GRIK2: variants seen among roughly 807,000 people sequenced by gnomAD.
The protein encoded by GRIK2 is glutamate receptor ionotropic, kainate 2.
A neutral mutation model predicts 100.3 loss-of-function variants in GRIK2; 32 were observed. The observed-to-expected ratio is 0.32, with a 90% CI of 0.24 to 0.43. The LOEUF is 0.43. Among genes scored for constraint, GRIK2 ranks in the 20% least tolerant of loss-of-function variants. The probability of loss-of-function intolerance (pLI) is 1.00; values close to 1 mark genes in which losing one functional copy is unlikely to be tolerated. For synonymous variants in GRIK2, 417 were observed against 389.4 expected (o/e 1.07, Z -0.83); for missense variants, 843 against 1,114.9 (o/e 0.76, Z 3.47).
rs55900001 is a variant in GRIK2 at position 102,031,076 on chromosome 6, T to TACACACACACACAC, written c.2086-4226_2086-4213dup. ...TCAATAATTACCAAGTATTATGCAT[T>TACACACACACACAC]ACACACACACACACACACACACACA... is the stretch of plus-strand genomic sequence containing the variant. On this transcript the variant is annotated intron_variant, in intron 14 of 16. Coordinates refer to ENST00000369134, the MANE Select transcript of GRIK2 (RefSeq NM_021956.5). Among the ~76,000 whole-genome samples the TACACACACACACAC allele has an allele frequency of 7.1e-4, 84 of 118,408 alleles. 1 individual carries two copies. The highest frequency in any genetic ancestry group is 1.2e-3 in the Non-Finnish European group (65 of 55,694). The allele number at this position is 118,408 out of a possible 152,430, so 77.7% of individuals were successfully genotyped here. A position where few individuals can be genotyped will look rare whatever the true frequency, so the allele number is the denominator to read the frequency against.
At chr6:101,590,130 C>T (rs534893114) in intron 2 of GRIK2, among the ~76,000 whole-genome samples, 41 of 151,892 alleles carry the variant, frequency 2.7e-4, no homozygotes, top group Non-Finnish European at 4.9e-4. Context: ...CTTGTTTTTC[C>T]TCAATTTGTT....
At chr6:101,671,925 A>T (rs2128338219) in intron 4 of GRIK2, among the ~76,000 whole-genome samples, 2 of 152,254 alleles carry the variant, frequency 1.3e-5, no homozygotes, top group South Asian at 4.2e-4. Flanking sequence ...GACCCTTCTG[A>T]AGGGTACAGG....
intron 2 of GRIK2, among the ~76,000 whole-genome samples, chr6:101,494,030 ATAATTTATTATATAAAATATATATG>A (rs1050315834): frequency 1.2e-5 from 1 of 83,862 alleles, no homozygotes; most frequent in African/African-American, 7.1e-5. Context: ...AATTATATAT[ATAATTTATTATATAAAATATATATG>A]ATATTTTTAT....
chr6:101,909,539 A>T (rs1327681562), intron 12 of GRIK2, among the ~76,000 whole-genome samples: 6 of 150,986 alleles, frequency 4.0e-5, no homozygotes, highest in African/African-American at 1.5e-4. Context: ...CAAAGAAATG[A>T]GTAGTCACAG....
intron 7 of GRIK2, among the ~76,000 whole-genome samples, chr6:101,771,507 GTTTTA>G (rs888697359): frequency 6.6e-5 from 10 of 150,564 alleles, no homozygotes; most frequent in South Asian, 2.1e-4. Flanking sequence ...TTTTTATTTT[GTTTTA>G]TTTTATTTTT....
intron 14 of GRIK2, among the ~76,000 whole-genome samples, chr6:102,015,339 T>G (rs1795777942): frequency 6.6e-6 from 1 of 152,184 alleles, no homozygotes; most frequent in Admixed American, 6.5e-5. Flanking sequence ...TGATTGCATG[T>G]GAAATGGGTT....
chr6:101,568,196 T>G (rs1014617079), intron 2 of GRIK2, among the ~76,000 whole-genome samples: 1 of 152,006 alleles, frequency 6.6e-6, no homozygotes, highest in South Asian at 2.1e-4. Flanking sequence ...CATCATTTTT[T>G]CATTTGATTT....
intron 2 of GRIK2, among the ~76,000 whole-genome samples, chr6:101,486,926 A>G (rs1222796636): frequency 2.0e-5 from 3 of 146,958 alleles, no homozygotes; most frequent in Non-Finnish European, 4.5e-5. Flanking sequence ...GTTATAGCAT[A>G]CTAGGCTTTG....
At chr6:101,803,328 T>C (rs1352531960) in intron 9 of GRIK2, among the ~76,000 whole-genome samples, 1 of 151,832 alleles carries the variant, frequency 6.6e-6, no homozygotes, top group Admixed American at 6.6e-5. Context: ...ATTTGAATGC[T>C]GATTCAAACC....
chr6:101,577,158 G>T (rs1777827043), intron 2 of GRIK2, among the ~76,000 whole-genome samples: 1 of 140,466 alleles, frequency 7.1e-6, no homozygotes. Flanking sequence ...GTTGCATATG[G>T]ATACAAAAAA....
chr6:101,799,889 T>A (rs76366603), intron 8 of GRIK2, 98 bp downstream of exon 8: 2 of 919,032 alleles, frequency 2.2e-6, no homozygotes, highest in Admixed American at 2.6e-5. Context: ...TTTTACTTTA[T>A]GTTTAATTTA....
At position 101,788,190 on chromosome 6, in the gene GRIK2, G is replaced by T. The variant is rs190595447; in HGVS notation, c.952-11458G>T. On this transcript the variant is annotated intron_variant, in intron 7 of 16. Coordinates refer to ENST00000369134, the MANE Select transcript of GRIK2 (RefSeq NM_021956.5). ...ACTTTCTGTCTATATGTGTCTTTAC[G>T]AGTGAGATGAATTTCTTTCTTTTTT... Among the ~76,000 whole-genome samples, 17 of 151,588 alleles carry T rather than the reference G, an allele frequency of 1.1e-4. 1 individual carries two copies. The highest frequency in any genetic ancestry group is 2.6e-4 in the Admixed American group (4 of 15,192).
intron 7 of GRIK2, among the ~76,000 whole-genome samples, chr6:101,780,267 C>A (rs996142492): frequency 6.6e-6 from 1 of 152,120 alleles, no homozygotes; most frequent in African/African-American, 2.4e-5. Context: ...GATCTTCTCC[C>A]ACTAGTTTCC....
At chr6:101,671,271 A>T (rs1371298168) in intron 4 of GRIK2, among the ~76,000 whole-genome samples, 2 of 152,146 alleles carry the variant, frequency 1.3e-5, no homozygotes, top group Non-Finnish European at 2.9e-5. Context: ...ATATTCCTTG[A>T]TACCATATTA....
At chr6:101,427,545 C>A (rs1030186237) in intron 2 of GRIK2, among the ~76,000 whole-genome samples, 1 of 152,184 alleles carries the variant, frequency 6.6e-6, no homozygotes, top group Non-Finnish European at 1.5e-5. Flanking sequence ...TCAATATTTG[C>A]TGAATGAACA....
chr6:101,465,661 A>G lies in GRIK2; in HGVS notation c.115+66269A>G, dbSNP rs540768154. ...TCTCCATTCTTGTTGAGCTGCCTAGATGATCTGAAGTTAAAAGGCCCAGGT... is the reference window on the plus strand; with the variant it reads ...TCTCCATTCTTGTTGAGCTGCCTAGGTGATCTGAAGTTAAAAGGCCCAGGT... On this transcript the variant is annotated intron_variant, in intron 2 of 16. Coordinates refer to ENST00000369134, the MANE Select transcript of GRIK2 (RefSeq NM_021956.5). Among the ~76,000 whole-genome samples the G allele has an allele frequency of 5.3e-5, 8 of 152,284 alleles. No homozygotes were observed. In the South Asian group the frequency reaches 1.5e-3, roughly 28 times the overall value.
intron 11 of GRIK2, among the ~76,000 whole-genome samples, chr6:101,875,402 A>G (rs1400709797): frequency 6.6e-6 from 1 of 151,936 alleles, no homozygotes; most frequent in Non-Finnish European, 1.5e-5. Context: ...ATAATAATCT[A>G]CACATACTAT....
chr6:101,949,289 G>A (rs1467287765), intron 14 of GRIK2, among the ~76,000 whole-genome samples: 1 of 151,572 alleles, frequency 6.6e-6, no homozygotes, highest in African/African-American at 2.4e-5. Context: ...GCCTAGATTT[G>A]ATTATAATAG....
At chr6:101,732,020 C>T (rs1775307317) in intron 7 of GRIK2, among the ~76,000 whole-genome samples, 1 of 151,952 alleles carries the variant, frequency 6.6e-6, no homozygotes, top group South Asian at 2.1e-4. Context: ...AACAGCGTAT[C>T]TTGAACATTA....
Sources: allele counts gnomAD v4.1 joint callset (sites outside exome capture counted in the v4.1 genomes callset), GRCh38; gene constraint gnomAD v4.1.1; transcripts MANE v1.5; gene names NCBI Gene and HGNC (gene_info 2026-07-23, HGNC 2026-07-21).